E2F3: variants seen among roughly 807,000 people sequenced by gnomAD.
The protein encoded by E2F3 is E2F transcription factor 3.
E2F3 carries 11 observed loss-of-function variants against 44.4 expected under a neutral mutation model. The observed-to-expected ratio is 0.25, with a 90% CI of 0.16 to 0.41. The LOEUF is 0.41. Ranked by LOEUF, E2F3 falls within the 10% of genes least tolerant of loss-of-function variation. E2F3 has a pLI of 1.00. For missense variants in E2F3, 487 were observed against 583.6 expected, an observed-to-expected ratio of 0.83 and a Z score of 1.70; for synonymous variants, 249 against 253.0, an observed-to-expected ratio of 0.98 and a Z score of 0.15.
At chr6:20,469,536 C>T (rs942006217) in intron 1 of E2F3, among the ~76,000 whole-genome samples, 5 of 152,096 alleles carry the variant, frequency 3.3e-5, no homozygotes, top group African/African-American at 9.7e-5. Context: ...TAGGAGGGAC[C>T]GCAGTCACCA....
intron 1 of E2F3, among the ~76,000 whole-genome samples, chr6:20,408,383 G>A (rs1759560005): frequency 6.6e-6 from 1 of 152,194 alleles, no homozygotes; most frequent in Non-Finnish European, 1.5e-5. Flanking sequence ...CAATAAGAGG[G>A]AAATTGGTTT....
intron 1 of E2F3, among the ~76,000 whole-genome samples, chr6:20,459,130 A>G (rs1049793372): frequency 3.3e-5 from 5 of 152,240 alleles, no homozygotes; most frequent in African/African-American, 1.2e-4. Flanking sequence ...GTCTTAGCCT[A>G]GCGTGGTGGC....
intron 1 of E2F3, among the ~76,000 whole-genome samples, chr6:20,461,760 AT>A (rs1261340833): frequency 6.6e-6 from 1 of 152,154 alleles, no homozygotes; most frequent in Non-Finnish European, 1.5e-5. Flanking sequence ...TGCTCTACAA[AT>A]TCTTGTGTAC....
At chr6:20,485,373 G>A (rs1762358246) in intron 4 of E2F3, among the ~76,000 whole-genome samples, 1 of 152,150 alleles carries the variant, frequency 6.6e-6, no homozygotes, top group South Asian at 2.1e-4. Flanking sequence ...GAGTCCAGGA[G>A]TTCAAGACCA....
chr6:20,446,795 G>A (rs544933562), intron 1 of E2F3, among the ~76,000 whole-genome samples: 16 of 152,252 alleles, frequency 1.1e-4, no homozygotes, highest in African/African-American at 3.8e-4. Flanking sequence ...CTCAACTCCT[G>A]GGCTCCAGTG....
intron 1 of E2F3, chr6:20,440,128 G>T (rs1490551108): frequency 1.3e-5 from 2 of 152,126 alleles, no homozygotes; most frequent in Non-Finnish European, 2.9e-5. Flanking sequence ...ACATATCAAG[G>T]ATTTGCCATG....
chr6:20,461,612 A>C (rs1761512210), intron 1 of E2F3, among the ~76,000 whole-genome samples: 1 of 152,106 alleles, frequency 6.6e-6, no homozygotes, highest in South Asian at 2.1e-4. Context: ...ATCTAATGCT[A>C]TTTAGTAATG....
intron 1 of E2F3, among the ~76,000 whole-genome samples, chr6:20,452,825 A>T (rs1761174912): frequency 6.6e-6 from 1 of 152,024 alleles, no homozygotes; most frequent in African/African-American, 2.4e-5. Context: ...ATGGTGGCAC[A>T]CACCTGTAGT....
Position 20,488,231 on chromosome 6 carries a change from C to T in E2F3, c.1118C>T (p.Pro373Leu). 1.3e-6 allele frequency: 2 copies of T among 1,589,498 alleles called. No individual in the cohort carries two copies. The highest frequency in any genetic ancestry group is 8.5e-7 in the Non-Finnish European group (1 of 1,173,742). The change falls in exon 6 of 7, where the codon CCT becomes CTT. Residue 373 changes from proline (P) to leucine (L), a missense_variant. By Grantham distance (98) the Pro-to-Leu change is moderately conservative (BLOSUM62 -3). Coordinates refer to ENST00000346618, the MANE Select transcript of E2F3 (RefSeq NM_001949.5). ...AACCAAGACCACAATGGGAATATCC[C>T]TAAACCCGCTTCCAAAGGTAAAAAC... Reference protein sequence around the residue: ...TNNQDHNGNIPKPASKDLAST... With the variant: ...TNNQDHNGNILKPASKDLAST...
chr6:20,488,301 A>T (rs1368746569), intron 6 of E2F3, 53 bp downstream of exon 6: 2 of 1,538,158 alleles, frequency 1.3e-6, no homozygotes, highest in African/African-American at 2.8e-5. Context: ...GAGGGTGACT[A>T]GAACCATCTG....
chr6:20,446,374 T>C (rs1212516511), intron 1 of E2F3, among the ~76,000 whole-genome samples: 1 of 152,200 alleles, frequency 6.6e-6, no homozygotes, highest in African/African-American at 2.4e-5. Context: ...GTTGTTTTCA[T>C]GAAACTATTT....
chr6:20,403,415 T>A (rs1027707528), intron 1 of E2F3, among the ~76,000 whole-genome samples: 5 of 151,728 alleles, frequency 3.3e-5, no homozygotes, highest in African/African-American at 1.2e-4. Flanking sequence ...CCCTTGCCCC[T>A]TCCTTCCCCG....
intron 1 of E2F3, among the ~76,000 whole-genome samples, chr6:20,475,101 G>A (rs1351586673): frequency 1.3e-5 from 2 of 152,226 alleles, no homozygotes; most frequent in African/African-American, 4.8e-5. Flanking sequence ...TGGACCTAGT[G>A]ATTGATTTCC....
At chr6:20,489,898 A>G (rs1332147666) in intron 6 of E2F3, among the ~76,000 whole-genome samples, 3 of 152,154 alleles carry the variant, frequency 2.0e-5, no homozygotes, top group African/African-American at 4.8e-5. Flanking sequence ...TGAACCCAGA[A>G]GTTCAAGACT....
intron 1 of E2F3, among the ~76,000 whole-genome samples, chr6:20,454,707 C>T (rs1473441529): frequency 6.6e-6 from 1 of 152,238 alleles, no homozygotes; most frequent in African/African-American, 2.4e-5. Context: ...TGTTCCTTCT[C>T]ATCCCTTGCC....
At chr6:20,477,506 G>A (rs956756697) in intron 1 of E2F3, among the ~76,000 whole-genome samples, 3 of 152,150 alleles carry the variant, frequency 2.0e-5, no homozygotes, top group African/African-American at 7.2e-5. Context: ...CTTTGCCTGA[G>A]TGTCTTACTC....
intron 1 of E2F3, among the ~76,000 whole-genome samples, chr6:20,461,701 A>G (rs773719552): frequency 3.3e-5 from 5 of 152,148 alleles, no homozygotes; most frequent in Admixed American, 1.3e-4. Context: ...ACTCACTACT[A>G]TATTTGTGTG....
At chr6:20,435,594 T>TA (rs1218366999) in intron 1 of E2F3, among the ~76,000 whole-genome samples, 1 of 152,024 alleles carries the variant, frequency 6.6e-6, no homozygotes, top group Non-Finnish European at 1.5e-5. Flanking sequence ...TTACTAAAAA[T>TA]ACAAACATTA....
chr6:20,448,403 C>G (rs916700060), intron 1 of E2F3, among the ~76,000 whole-genome samples: 1 of 152,160 alleles, frequency 6.6e-6, no homozygotes, highest in Non-Finnish European at 1.5e-5. Context: ...AAATGTAACT[C>G]TGGTGCCTTG....
Sources: allele counts gnomAD v4.1 joint callset (sites outside exome capture counted in the v4.1 genomes callset), GRCh38; gene constraint gnomAD v4.1.1; transcripts MANE v1.5; gene names NCBI Gene and HGNC (gene_info 2026-07-23, HGNC 2026-07-21).